Variants in LGR4 observed in about 807,000 individuals in gnomAD.
LGR4 encodes leucine rich repeat containing G protein-coupled receptor 4, also known as leucine-rich repeat-containing G protein-coupled receptor 4.
In LGR4, 44 loss-of-function variants were observed where a neutral mutation model predicts 84.8. The ratio of observed to expected loss-of-function variants is 0.52; its 90% CI spans 0.41 to 0.67. The LOEUF (loss-of-function observed/expected upper bound fraction) is 0.67, where lower values mean the gene tolerates loss of function less well. LGR4 is among the 30% of genes least tolerant of loss of function. The pLI is 0.00. For synonymous variants in LGR4, 429 were observed against 434.3 expected, an observed-to-expected ratio of 0.99 and a Z score of 0.15; for missense variants, 1,032 against 1,131.4, an observed-to-expected ratio of 0.91 and a Z score of 1.26.
At chr11:27,389,982 G>A (rs924438157) in intron 4 of LGR4, among the ~76,000 whole-genome samples, 4 of 152,134 alleles carry the variant, frequency 2.6e-5, no homozygotes, top group Non-Finnish European at 4.4e-5. Flanking sequence ...TTTCAACTAA[G>A]AATTGAATGG....
chr11:27,387,057 C>A (rs985657601), intron 4 of LGR4, among the ~76,000 whole-genome samples: 3 of 152,078 alleles, frequency 2.0e-5, no homozygotes, highest in South Asian at 4.2e-4. Context: ...CGCACACACA[C>A]CCCTCATGGA....
Position 27,472,394 on chromosome 11 carries a change from G to A in LGR4, c.-92C>T. ...CCCGCCGCCCCCGGGCAGCCGGCCT[G>A]CGGGCTGGAGCGGGGGTCTCTTCCT... is the stretch of plus-strand genomic sequence containing the variant. On this transcript the variant is annotated 5_prime_UTR_variant, in exon 1 of 18. Transcript: ENST00000379214. 1 of 1,004,714 alleles carries A rather than the reference G, an allele frequency of 1.0e-6. No homozygotes were observed. The highest frequency in any genetic ancestry group is 1.3e-6 in the Non-Finnish European group (1 of 788,732). 62.2% of individuals were successfully genotyped at this position (1,004,714 alleles called of 1,614,324 possible). A position where few individuals can be genotyped will look rare whatever the true frequency, so the allele number is the denominator to read the frequency against.
At chr11:27,392,747 G>A (rs1487782980) in intron 2 of LGR4, among the ~76,000 whole-genome samples, 2 of 151,904 alleles carry the variant, frequency 1.3e-5, no homozygotes, top group Non-Finnish European at 2.9e-5. Context: ...ATTTAAGCAG[G>A]CACATTTTTA....
chr11:27,460,710 T>C (rs894679353), intron 1 of LGR4, among the ~76,000 whole-genome samples: 1 of 152,206 alleles, frequency 6.6e-6, no homozygotes, highest in Admixed American at 6.5e-5. Context: ...TTCTGCTGCA[T>C]GCCCTCACAG....
intron 1 of LGR4, among the ~76,000 whole-genome samples, chr11:27,430,316 C>T (rs1305061202): frequency 6.6e-6 from 1 of 152,070 alleles, no homozygotes; most frequent in African/African-American, 2.4e-5. Context: ...TAAGCAATGA[C>T]ACACACAGAT....
chr11:27,408,052 T>C (rs1863644707), intron 2 of LGR4, among the ~76,000 whole-genome samples: 3 of 152,124 alleles, frequency 2.0e-5, no homozygotes, highest in Non-Finnish European at 2.9e-5. Flanking sequence ...TTTAAATATG[T>C]TTGTATATGT....
At chr11:27,426,193 C>T (rs1483047861) in intron 1 of LGR4, among the ~76,000 whole-genome samples, 1 of 152,140 alleles carries the variant, frequency 6.6e-6, no homozygotes, top group East Asian at 1.9e-4. Flanking sequence ...TAATAAGTTT[C>T]CGGGAAAGAC....
intron 1 of LGR4, among the ~76,000 whole-genome samples, chr11:27,467,649 A>C (rs1274842102): frequency 6.6e-6 from 1 of 152,178 alleles, no homozygotes; most frequent in Non-Finnish European, 1.5e-5. Flanking sequence ...CTTGTTTTAC[A>C]GATTTACAGA....
intron 2 of LGR4, 26 bp downstream of exon 2, chr11:27,412,763 C>T (rs1460876957): frequency 3.7e-6 from 5 of 1,349,764 alleles, no homozygotes; most frequent in Non-Finnish European, 4.3e-6. Flanking sequence ...AAGACATACA[C>T]ACACATTTCT....
chr11:27,407,352 C>T (rs946095922), intron 2 of LGR4, among the ~76,000 whole-genome samples: 14 of 152,204 alleles, frequency 9.2e-5, no homozygotes, highest in African/African-American at 3.1e-4. Flanking sequence ...AACATTATAG[C>T]TTAGAAACTA....
chr11:27,397,266 T>C (rs921426904), intron 2 of LGR4, among the ~76,000 whole-genome samples: 1 of 152,140 alleles, frequency 6.6e-6, no homozygotes, highest in Non-Finnish European at 1.5e-5. Context: ...CTACCACCGG[T>C]ATGAACTCAT....
intron 6 of LGR4, among the ~76,000 whole-genome samples, chr11:27,382,735 G>A (rs1863119538): frequency 6.6e-6 from 1 of 152,100 alleles, no homozygotes; most frequent in Admixed American, 6.6e-5. Flanking sequence ...TAATCAGAAG[G>A]AGGCCAGGCA....
At chr11:27,384,204 T>C (rs1863147441) in intron 6 of LGR4, 132 bp downstream of exon 6, 1 of 634,714 alleles carries the variant, frequency 1.6e-6, no homozygotes, top group African/African-American at 1.8e-5. Flanking sequence ...ATAGCAAGAA[T>C]TTAATCCAGT....
chr11:27,371,338 G>A (rs749586920), intron 17 of LGR4, among the ~76,000 whole-genome samples: 2 of 152,156 alleles, frequency 1.3e-5, no homozygotes, highest in Non-Finnish European at 2.9e-5. Context: ...AGAGTTAAAG[G>A]AGCATTAAGA....
chr11:27,386,282 C>T (rs542279921), intron 4 of LGR4, among the ~76,000 whole-genome samples: 4 of 152,292 alleles, frequency 2.6e-5, no homozygotes, highest in East Asian at 1.9e-4. Context: ...CTAAGTCCTA[C>T]GTATTATTGT....
intron 1 of LGR4, among the ~76,000 whole-genome samples, chr11:27,413,484 T>C (rs1264333378): frequency 6.6e-6 from 1 of 152,114 alleles, no homozygotes; most frequent in Admixed American, 6.6e-5. Context: ...AACTCAACAA[T>C]TCACTAATTC....
chr11:27,382,395 A>G (rs187780105), intron 6 of LGR4, 139 bp from the exon 7 acceptor site: 9 of 604,840 alleles, frequency 1.5e-5, no homozygotes, highest in Non-Finnish European at 2.6e-5. Flanking sequence ...TCGTCATTCA[A>G]AACCATGTAG....
Position 27,472,105 on chromosome 11 carries a change from C to G in LGR4, c.185+13G>C, listed in dbSNP as rs1380411340. The G allele has an allele frequency of 7.7e-7, 1 of 1,306,384 alleles. No individual in the cohort carries two copies. Among genetic ancestry groups the G allele is most frequent in the Non-Finnish European group, 9.7e-7 (1 of 1,029,530 alleles). The allele number at this position is 1,306,384 out of a possible 1,614,324, so 80.9% of individuals were successfully genotyped here. On this transcript the variant is annotated intron_variant, in intron 1 of 17. Coordinates refer to ENST00000379214, the MANE Select transcript of LGR4 (RefSeq NM_018490.5). ...TCCTCCCCCCCCCTCGCGTCCCCGC[C>G]GCCCGCACTCACAGCGCTTGGGTGA... is the stretch of plus-strand genomic sequence containing the variant.
chr11:27,456,902 T>C (rs1864584640), intron 1 of LGR4, among the ~76,000 whole-genome samples: 1 of 152,304 alleles, frequency 6.6e-6, no homozygotes, highest in Non-Finnish European at 1.5e-5. Flanking sequence ...TGCAGACATA[T>C]AGATGTATGT....
Sources: allele counts gnomAD v4.1 joint callset (sites outside exome capture counted in the v4.1 genomes callset), GRCh38; gene constraint gnomAD v4.1.1; transcripts MANE v1.5; gene names NCBI Gene and HGNC (gene_info 2026-07-23, HGNC 2026-07-21).